ZEB1: variants seen among roughly 807,000 people sequenced by gnomAD.
ZEB1 encodes zinc finger E-box-binding homeobox 1.
ZEB1 carries 21 observed loss-of-function variants against 84.9 expected under a neutral mutation model. That is an observed-to-expected ratio of 0.25 (90% CI 0.18 to 0.36). The LOEUF (loss-of-function observed/expected upper bound fraction) is 0.36, where lower values mean the gene tolerates loss of function less well. Ranked by LOEUF, ZEB1 falls within the 10% of genes least tolerant of loss-of-function variation. The probability of loss-of-function intolerance (pLI) is 1.00; values close to 1 mark genes in which losing one functional copy is unlikely to be tolerated. For synonymous variants in ZEB1, 420 were observed against 471.1 expected, an observed-to-expected ratio of 0.89 and a Z score of 1.41; for missense variants, 1,104 against 1,330.2, an observed-to-expected ratio of 0.83 and a Z score of 2.65.
intron 1 of ZEB1, 152 bp from the exon 2 acceptor site, chr10:31,460,885 T>G (rs914355513): frequency 4.4e-6 from 3 of 686,388 alleles, no homozygotes; most frequent in Non-Finnish European, 5.1e-6. Flanking sequence ...GTGTTACATA[T>G]GTGTGTTGTC....
At chr10:31,508,604 G>A (rs147265427) in intron 4 of ZEB1, among the ~76,000 whole-genome samples, 13 of 152,226 alleles carry the variant, frequency 8.5e-5, no homozygotes, top group Admixed American at 2.0e-4. Flanking sequence ...TAGCATGCTC[G>A]GAAACTGGGG....
intron 1 of ZEB1, among the ~76,000 whole-genome samples, chr10:31,420,067 A>T (rs949177981): frequency 1.3e-5 from 2 of 152,114 alleles, no homozygotes; most frequent in Admixed American, 1.3e-4. Context: ...CTAAATTTCT[A>T]CTTCGATGAC....
At chr10:31,328,103 T>C (rs772930100) in intron 1 of ZEB1, among the ~76,000 whole-genome samples, 23 of 152,218 alleles carry the variant, frequency 1.5e-4, no homozygotes, top group Non-Finnish European at 2.6e-4. Context: ...ACTTTATGGG[T>C]AGTAAGAAGT....
At chr10:31,483,451 C>A (rs999551286) in intron 2 of ZEB1, among the ~76,000 whole-genome samples, 1 of 151,938 alleles carries the variant, frequency 6.6e-6, no homozygotes, top group Admixed American at 6.6e-5. Context: ...CAGAAAAATA[C>A]ATATACATTA....
intron 1 of ZEB1, among the ~76,000 whole-genome samples, chr10:31,339,801 T>C (rs192081712): frequency 0.014 from 2,072 of 151,986 alleles, 22 homozygotes; most frequent in Non-Finnish European, 0.02. Flanking sequence ...AAATAGTTTA[T>C]AGCAGTTTAT....
At chr10:31,351,998 C>A (rs1184211694) in intron 1 of ZEB1, among the ~76,000 whole-genome samples, 1 of 152,104 alleles carries the variant, frequency 6.6e-6, no homozygotes, top group African/African-American at 2.4e-5. Context: ...TATACTAATT[C>A]TTTATATAGC....
chr10:31,426,407 T>C (rs1194404441), intron 1 of ZEB1, among the ~76,000 whole-genome samples: 1 of 152,144 alleles, frequency 6.6e-6, no homozygotes, highest in Non-Finnish European at 1.5e-5. Flanking sequence ...TAGGTATTCA[T>C]TGACTCGTAG....
intron 1 of ZEB1, among the ~76,000 whole-genome samples, chr10:31,383,151 A>G (rs905379762): frequency 6.6e-6 from 1 of 152,038 alleles, no homozygotes. Flanking sequence ...AACATAAAAT[A>G]TTACATTTAA....
Position 31,525,047 on chromosome 10 carries a change from T to G in ZEB1, c.2785+934T>G, listed in dbSNP as rs114211964. On this transcript the variant is annotated intron_variant, in intron 8 of 8. Transcript: ENST00000424869. The stretch of plus-strand genomic sequence containing the variant: ...GTAAGAATGGTAGTTTTTGATTTTG[T>G]TTTTACATTTTTAAATGATTGGAAA... Among the ~76,000 whole-genome samples the G allele has an allele frequency of 9.1e-3, 1,392 of 152,358 alleles. 13 individuals are homozygous for G. The highest frequency in any genetic ancestry group is 0.031 in the African/African-American group (1,302 of 41,574).
At chr10:31,354,467 G>A (rs1045429606) in intron 1 of ZEB1, among the ~76,000 whole-genome samples, 1 of 152,048 alleles carries the variant, frequency 6.6e-6, no homozygotes, top group Non-Finnish European at 1.5e-5. Flanking sequence ...CACTTTTCTT[G>A]GGGGAGGAGG....
intron 2 of ZEB1, among the ~76,000 whole-genome samples, chr10:31,479,268 A>T (rs1271637572): frequency 6.6e-6 from 1 of 151,968 alleles, no homozygotes; most frequent in Non-Finnish European, 1.5e-5. Context: ...AGACAAGTCA[A>T]GATGAGATGG....
At chr10:31,338,936 G>A (rs920032507) in intron 1 of ZEB1, among the ~76,000 whole-genome samples, 2 of 152,094 alleles carry the variant, frequency 1.3e-5, no homozygotes, top group Non-Finnish European at 2.9e-5. Context: ...CAGGGATGTT[G>A]ACATGATACC....
At chr10:31,339,471 G>A (rs2038918336) in intron 1 of ZEB1, among the ~76,000 whole-genome samples, 1 of 152,046 alleles carries the variant, frequency 6.6e-6, no homozygotes, top group Admixed American at 6.6e-5. Flanking sequence ...CATTTATTTT[G>A]TTAAGAACCT....
intron 1 of ZEB1, among the ~76,000 whole-genome samples, chr10:31,365,344 A>G (rs1199067132): frequency 3.9e-5 from 6 of 152,162 alleles, no homozygotes; most frequent in African/African-American, 1.4e-4. Context: ...AGAGGGACAT[A>G]CTCTTGGGTG....
chr10:31,490,195 T>C (rs1426145063), intron 2 of ZEB1, among the ~76,000 whole-genome samples: 2 of 151,526 alleles, frequency 1.3e-5, no homozygotes, highest in African/African-American at 4.8e-5. Flanking sequence ...AGGAGGTTAC[T>C]ATTTGAGGTT....
At chr10:31,319,942 G>A (rs2033362941) in intron 1 of ZEB1, 1 of 147,856 alleles carries the variant, frequency 6.8e-6, no homozygotes, top group Non-Finnish European at 1.5e-5. Context: ...TGGGGTTTGT[G>A]CGCGCGTGTG....
chr10:31,461,614 A>G (rs938097685), intron 2 of ZEB1, among the ~76,000 whole-genome samples: 2 of 152,166 alleles, frequency 1.3e-5, no homozygotes, highest in Admixed American at 6.5e-5. Flanking sequence ...AAAATCCCAA[A>G]CACATATAAA....
At chr10:31,329,046 C>T (rs1337470762) in intron 1 of ZEB1, among the ~76,000 whole-genome samples, 1 of 151,876 alleles carries the variant, frequency 6.6e-6, no homozygotes, top group Non-Finnish European at 1.5e-5. Flanking sequence ...AATTTATATA[C>T]AATAAGATAT....
At chr10:31,463,249 G>C (rs2062014210) in intron 2 of ZEB1, among the ~76,000 whole-genome samples, 1 of 152,144 alleles carries the variant, frequency 6.6e-6, no homozygotes, top group African/African-American at 2.4e-5. Flanking sequence ...CAGTGAACAG[G>C]TTCTGCTTCT....
Sources: gnomAD v4.1 joint callset for allele counts (sites outside exome capture counted in the v4.1 genomes callset) on GRCh38, gnomAD v4.1.1 for gene constraint, MANE v1.5 for transcripts, NCBI Gene and HGNC (gene_info 2026-07-23, HGNC 2026-07-21) for gene names.